Variants in EYS observed in about 807,000 individuals in gnomAD.
EYS encodes EGF-like photoreceptor maintenance factor.
In EYS, 250 loss-of-function variants were observed where a neutral mutation model predicts 282.1. The observed-to-expected ratio is 0.89, with a 90% CI of 0.80 to 0.98. The LOEUF (loss-of-function observed/expected upper bound fraction) is 0.98, where lower values mean the gene tolerates loss of function less well. Among genes scored for constraint, EYS ranks in the 50% least tolerant of loss-of-function variants. The pLI is 0.00. For missense variants in EYS, 4,016 were observed against 3,709.0 expected (o/e 1.08, Z -2.15); for synonymous variants, 1,355 against 1,282.9 (o/e 1.06, Z -1.20).
chr6:65,393,813 A>G (rs1199788399), intron 7 of EYS, among the ~76,000 whole-genome samples: 1 of 152,110 alleles, frequency 6.6e-6, no homozygotes, highest in Admixed American at 6.6e-5. Context: ...AGTGTAAGTT[A>G]TAATAATCTA....
intron 12 of EYS, among the ~76,000 whole-genome samples, chr6:65,065,076 T>C: frequency 6.6e-6 from 1 of 152,156 alleles, no homozygotes; most frequent in East Asian, 1.9e-4. Flanking sequence ...TAGGCCTCTT[T>C]CTTTGTGACT....
intron 2 of EYS, among the ~76,000 whole-genome samples, chr6:65,617,888 T>C (rs530157082): frequency 1.3e-5 from 2 of 152,256 alleles, no homozygotes; most frequent in South Asian, 4.1e-4. Flanking sequence ...GAACTCATCA[T>C]TTTTGATGGC....
chr6:63,831,226 T>C (rs1046538422), intron 36 of EYS, among the ~76,000 whole-genome samples: 1 of 152,172 alleles, frequency 6.6e-6, no homozygotes, highest in Admixed American at 6.5e-5. Flanking sequence ...ATATTAACCT[T>C]AAATGTAAAT....
intron 26 of EYS, among the ~76,000 whole-genome samples, chr6:64,567,695 T>G (rs1175123648): frequency 1.3e-5 from 2 of 152,154 alleles, no homozygotes; most frequent in Non-Finnish European, 2.9e-5. Flanking sequence ...AAACTAGAAT[T>G]TAGTTAAGAA....
chr6:65,207,856 G>A (rs1479389731), intron 12 of EYS, among the ~76,000 whole-genome samples: 1 of 151,514 alleles, frequency 6.6e-6, no homozygotes, highest in African/African-American at 2.4e-5. Flanking sequence ...ATCACTAACA[G>A]TATATACAAA....
chr6:64,590,333 C>T lies in EYS; in HGVS notation c.5534G>A (p.Ser1845Asn), dbSNP rs1346512098. The T allele has an allele frequency of 6.4e-7, 1 of 1,551,214 alleles. No individual in the cohort carries two copies. Among genetic ancestry groups the T allele is most frequent in the Non-Finnish European group, 8.7e-7 (1 of 1,146,644 alleles). The change falls in exon 26 of 43, where the codon AGT (serine) becomes AAT (asparagine). Residue 1845 changes from serine to asparagine, a missense_variant. Physicochemically the swap from Ser to Asn is conservative, Grantham distance 46 (BLOSUM62 1). Transcript: ENST00000503581. ...SEWSKWELQP[S>N]VQYQEFPTAS... is the part of the protein sequence containing the mutation. The stretch of plus-strand genomic sequence containing the variant: ...AGTGGGAAATTCCTGATATTGCACA[C>T]TAGGCTGAAGTTCCCATTTGGACCA...
intron 31 of EYS, among the ~76,000 whole-genome samples, chr6:64,149,847 G>A (rs79800051): frequency 0.025 from 3,778 of 152,246 alleles, 146 homozygotes; most frequent in African/African-American, 0.086. Flanking sequence ...GTGTGACACT[G>A]AGCATGGATG....
intron 33 of EYS, among the ~76,000 whole-genome samples, chr6:64,012,158 T>C (rs764608031): frequency 6.6e-6 from 1 of 152,188 alleles, no homozygotes; most frequent in Non-Finnish European, 1.5e-5. Flanking sequence ...ATAACTTGAA[T>C]TTCTGACCAA....
intron 29 of EYS, among the ~76,000 whole-genome samples, chr6:64,382,862 A>G (rs1772791807): frequency 6.6e-6 from 1 of 152,180 alleles, no homozygotes; most frequent in African/African-American, 2.4e-5. Flanking sequence ...ATCAGAGTAA[A>G]AAATGGGAAG....
At chr6:63,723,743 C>T (rs1307284868) in intron 42 of EYS, among the ~76,000 whole-genome samples, 1 of 151,060 alleles carries the variant, frequency 6.6e-6, no homozygotes, top group African/African-American at 2.4e-5. Flanking sequence ...AATTTCATTG[C>T]GTTAGGATAT....
At chr6:64,838,018 C>T (rs1333480027) in intron 19 of EYS, among the ~76,000 whole-genome samples, 6 of 151,304 alleles carry the variant, frequency 4.0e-5, no homozygotes, top group Admixed American at 6.6e-5. Context: ...TTTAAAAAAA[C>T]GAATATTTTT....
chr6:64,220,101 C>T (rs1364057473), intron 31 of EYS, among the ~76,000 whole-genome samples: 1 of 152,046 alleles, frequency 6.6e-6, no homozygotes, highest in African/African-American at 2.4e-5. Context: ...TTGGTGGGTA[C>T]AGCACACCAA....
intron 22 of EYS, among the ~76,000 whole-genome samples, chr6:64,752,576 T>C (rs538853829): frequency 7.9e-4 from 121 of 152,258 alleles, no homozygotes; most frequent in Middle Eastern, 3.4e-3. Context: ...GGTTGGACTA[T>C]CTATTTGAGG....
chr6:64,159,559 TAAAAAAAAAAAAAA>T (rs35139594), intron 31 of EYS, among the ~76,000 whole-genome samples: 1 of 59,938 alleles, frequency 1.7e-5, no homozygotes, highest in South Asian at 8.1e-4. Context: ...GACTCTGTCT[TAAAAAAAAAAAAAA>T]AAAAAAAAAA....
At chr6:65,167,676 C>A (rs1765006813) in intron 12 of EYS, among the ~76,000 whole-genome samples, 1 of 151,138 alleles carries the variant, frequency 6.6e-6, no homozygotes, top group African/African-American at 2.4e-5. Context: ...TTGAGAGTAC[C>A]TGTTTGGGGC....
intron 35 of EYS, among the ~76,000 whole-genome samples, chr6:63,908,007 CAA>C (rs527818820): frequency 0.42 from 41,989 of 100,936 alleles, 6,582 homozygotes; most frequent in Admixed American, 0.5. Flanking sequence ...CACACACACA[CAA>C]ACGTATATAT....
At chr6:65,469,041 C>G (rs986173550) in intron 5 of EYS, among the ~76,000 whole-genome samples, 1 of 151,976 alleles carries the variant, frequency 6.6e-6, no homozygotes, top group Admixed American at 6.6e-5. Context: ...TCTAGGGTTG[C>G]CAGATAATAT....
At chr6:64,121,084 G>A (rs1434170538) in intron 31 of EYS, among the ~76,000 whole-genome samples, 1 of 152,088 alleles carries the variant, frequency 6.6e-6, no homozygotes, top group Non-Finnish European at 1.5e-5. Context: ...CTCCCCCATA[G>A]ACAATTTACA....
intron 22 of EYS, among the ~76,000 whole-genome samples, chr6:64,672,835 T>C (rs1458491632): frequency 3.9e-5 from 6 of 152,150 alleles, no homozygotes; most frequent in Non-Finnish European, 8.8e-5. Context: ...GCCTAAAAAG[T>C]AGATAAGTGA....
Sources: gnomAD v4.1 joint callset for allele counts (sites outside exome capture counted in the v4.1 genomes callset) on GRCh38, gnomAD v4.1.1 for gene constraint, MANE v1.5 for transcripts, NCBI Gene and HGNC (gene_info 2026-07-23, HGNC 2026-07-21) for gene names.